Variants in PXDC1 observed in about 807,000 individuals in gnomAD.
The protein encoded by PXDC1 is PX domain containing 1, also known as PX domain-containing protein 1.
In PXDC1, 13 loss-of-function variants were observed where a neutral mutation model predicts 24.4. The ratio of observed to expected loss-of-function variants is 0.53; its 90% CI spans 0.35 to 0.85. PXDC1 has a LOEUF of 0.85. Ranked by LOEUF, PXDC1 falls within the 40% of genes least tolerant of loss-of-function variation. PXDC1 has a pLI of 0.01. For synonymous variants in PXDC1, 162 were observed against 124.9 expected (o/e 1.30, Z -1.98); for missense variants, 344 against 309.3 (o/e 1.11, Z -0.84).
chr6:3,738,678 CA>C (rs1413587852), intron 1 of PXDC1: 1 of 866,498 alleles, frequency 1.2e-6, no homozygotes, highest in African/African-American at 1.8e-5. Context: ...TCTGCCTGGA[CA>C]AAACCAAAGT....
In PXDC1 at chr6:3,738,187, C is replaced by T. The variant is rs112182523; in HGVS notation, c.257-39G>A. On this transcript the variant is annotated intron_variant, in intron 1 of 4. Transcript: ENST00000380283. ...AGAAATGCTCAAAGTCAGAATAGCACACCAGGAAACGCGCTCCCAATGCAA... is the reference window on the plus strand; with the variant it reads ...AGAAATGCTCAAAGTCAGAATAGCATACCAGGAAACGCGCTCCCAATGCAA... 1.7e-4 allele frequency: 262 copies of T among 1,505,012 alleles called. 2 individuals are homozygous for T. In the African/African-American group the frequency reaches 3.0e-3, roughly 17 times the overall value. The allele number at this position is 1,505,012 out of a possible 1,614,324, so 93.2% of individuals were successfully genotyped here. A position where few individuals can be genotyped will look rare whatever the true frequency, so the allele number is the denominator to read the frequency against.
chr6:3,726,720 C>T (rs578158720), intron 4 of PXDC1, among the ~76,000 whole-genome samples: 4 of 152,296 alleles, frequency 2.6e-5, no homozygotes, highest in Non-Finnish European at 2.9e-5. Flanking sequence ...CTAGCAAATG[C>T]GTGGGGCAAG....
chr6:3,740,746 A>G (rs1178055647), intron 1 of PXDC1, among the ~76,000 whole-genome samples: 4 of 152,100 alleles, frequency 2.6e-5, no homozygotes, highest in African/African-American at 9.7e-5. Flanking sequence ...CAGGCTCATG[A>G]TGGGGCAAAG....
Position 3,729,130 on chromosome 6 carries a change from G to C in PXDC1, c.467-1468C>G, listed in dbSNP as rs147127523. Reference sequence around the variant, plus strand: ...CCCCATCGGATGCCTTAGTTGCTTGGGGGACTGTTTTCCTTTATTTTTTCT... The same window carrying C: ...CCCCATCGGATGCCTTAGTTGCTTGCGGGACTGTTTTCCTTTATTTTTTCT... On this transcript the variant is annotated intron_variant, in intron 3 of 4. Transcript: ENST00000380283. 2.1e-3 allele frequency among the ~76,000 whole-genome samples: 325 copies of C among 152,080 alleles called. 2 individuals are homozygous for C. The highest frequency in any genetic ancestry group is 7.1e-3 in the African/African-American group (293 of 41,496).
chr6:3,740,074 A>C (rs925854874), intron 1 of PXDC1, among the ~76,000 whole-genome samples: 1 of 152,254 alleles, frequency 6.6e-6, no homozygotes, highest in African/African-American at 2.4e-5. Flanking sequence ...TGAATGACAT[A>C]CTAGTTGTAC....
intron 3 of PXDC1, among the ~76,000 whole-genome samples, chr6:3,735,000 A>G (rs2127599542): frequency 6.6e-6 from 1 of 152,204 alleles, no homozygotes; most frequent in South Asian, 2.1e-4. Flanking sequence ...CAGGAGGATC[A>G]CTTGAGCTGT....
At chr6:3,748,587 G>A (rs1297617543) in intron 1 of PXDC1, among the ~76,000 whole-genome samples, 1 of 152,110 alleles carries the variant, frequency 6.6e-6, no homozygotes, top group Non-Finnish European at 1.5e-5. Flanking sequence ...GAGAGAAAAA[G>A]CACATTCTCC....
rs920901789 is a variant in PXDC1, at chr6:3,737,675, GTTC to G, written c.348+379_348+381del. ...CGTGCCCCGCTGTGCTGACGCCAAC[GTTC>G]TTCTTGGTTTCCACGTGTCTGTTCT... On this transcript the variant is annotated intron_variant, in intron 2 of 4. Transcript: ENST00000380283. This position sits in a 1 kb window ranked among gnomAD's most constrained non-coding sequence, Gnocchi z 5.5. 2 of 985,306 alleles carry G rather than the reference GTTC, an allele frequency of 2.0e-6. No individual in the cohort carries two copies. Among genetic ancestry groups the G allele is most frequent in the African/African-American group, 1.7e-5 (1 of 57,238 alleles). 61.0% of individuals were successfully genotyped at this position (985,306 alleles called of 1,614,324 possible).
intron 3 of PXDC1, among the ~76,000 whole-genome samples, chr6:3,735,168 G>A (rs1016974027): frequency 6.6e-6 from 1 of 152,206 alleles, no homozygotes. Flanking sequence ...GCAATCTTGA[G>A]CAAAGCCAGA....
At chr6:3,734,195 G>A (rs1278391429) in intron 3 of PXDC1, among the ~76,000 whole-genome samples, 2 of 152,188 alleles carry the variant, frequency 1.3e-5, no homozygotes, top group East Asian at 1.9e-4. Flanking sequence ...TAGGGTCCAC[G>A]TGGGCCATGT....
At chr6:3,727,235 G>A (rs1760089122) in intron 4 of PXDC1, among the ~76,000 whole-genome samples, 1 of 152,246 alleles carries the variant, frequency 6.6e-6, no homozygotes, top group Non-Finnish European at 1.5e-5. Context: ...GGACCATTGA[G>A]TGTGAGGCAT....
At position 3,737,935 on chromosome 6, in the gene PXDC1, C is replaced by A; in HGVS notation, c.348+122G>T. The stretch of plus-strand genomic sequence containing the variant: ...TCGCCTGGTACTACCAGGGAGGGAA[C>A]AAAACGGCTAAGTGAGACAGAGCAA... On this transcript the variant is annotated intron_variant, in intron 2 of 4. Transcript: ENST00000380283. This position sits in a 1 kb window ranked among gnomAD's most constrained non-coding sequence, Gnocchi z 5.5. 1.2e-6 allele frequency: 1 copy of A among 849,948 alleles called. No individual in the cohort carries two copies. The highest frequency in any genetic ancestry group is 2.1e-5 in the Admixed American group (1 of 46,614). 52.7% of individuals were successfully genotyped at this position (849,948 alleles called of 1,614,324 possible). A position where few individuals can be genotyped will look rare whatever the true frequency, so the allele number is the denominator to read the frequency against.
chr6:3,733,684 C>T (rs1024804457), intron 3 of PXDC1, among the ~76,000 whole-genome samples: 13 of 152,196 alleles, frequency 8.5e-5, no homozygotes, highest in Non-Finnish European at 1.9e-4. Context: ...GCAACACCTC[C>T]GGGCCCCCAG....
rs574483518 is a variant in PXDC1, at chr6:3,744,911, G to A, written c.256+6365C>T. Among the ~76,000 whole-genome samples, 10 of 152,348 alleles carry A rather than the reference G, an allele frequency of 6.6e-5. No homozygotes were observed. In the East Asian group the frequency reaches 9.7e-4, roughly 15 times the overall value. ...GACGGGGTTTCACCACGTCGGCCAG[G>A]CTGGTCTCAAATTCCTGACCTCAAG... is the stretch of plus-strand genomic sequence containing the variant. On this transcript the variant is annotated intron_variant, in intron 1 of 4. Coordinates refer to ENST00000380283, the MANE Select transcript of PXDC1 (RefSeq NM_183373.4).
At position 3,751,675 on chromosome 6, in the gene PXDC1, G is replaced by T; in HGVS notation, c.-144C>A. The T allele has an allele frequency of 8.2e-7, 1 of 1,218,880 alleles. No homozygotes were observed. Among genetic ancestry groups the T allele is most frequent in the Non-Finnish European group, 1.0e-6 (1 of 969,430 alleles). 75.5% of individuals were successfully genotyped at this position (1,218,880 alleles called of 1,614,324 possible). ...CCGTCACTCCAAGGAGGCTGCGTAT[G>T]GCCCGCGTTCGGGGCAGCGGGGCGG... On this transcript the variant is annotated 5_prime_UTR_variant, in exon 1 of 5. Transcript: ENST00000380283.
intron 1 of PXDC1, among the ~76,000 whole-genome samples, chr6:3,744,613 C>T (rs56091004): frequency 0.063 from 9,557 of 152,298 alleles, 404 homozygotes; most frequent in Middle Eastern, 0.099. Context: ...CGGGAAAGGG[C>T]CTTGCCCATG....
chr6:3,723,470 G>C lies in PXDC1; in HGVS notation c.*149C>G. 1.5e-6 allele frequency: 1 copy of C among 686,364 alleles called. No individual in the cohort carries two copies. Among genetic ancestry groups the C allele is most frequent in the Non-Finnish European group, 2.6e-6 (1 of 380,958 alleles). The allele number at this position is 686,364 out of a possible 1,614,324, so 42.5% of individuals were successfully genotyped here. On this transcript the variant is annotated 3_prime_UTR_variant, in exon 5 of 5. Coordinates refer to ENST00000380283, the MANE Select transcript of PXDC1 (RefSeq NM_183373.4). ...AGGAGCCCCTGCTGCTCCACTTGCA[G>C]GACACCCAGGCCTCCTGGCGTCAGT...
At chr6:3,726,411 G>T (rs1363921563) in intron 4 of PXDC1, among the ~76,000 whole-genome samples, 1 of 152,240 alleles carries the variant, frequency 6.6e-6, no homozygotes, top group Non-Finnish European at 1.5e-5. Context: ...TGCGGCCTTG[G>T]CCCCACCGGC....
intron 3 of PXDC1, among the ~76,000 whole-genome samples, chr6:3,732,094 C>CT (rs1760212880): frequency 6.6e-6 from 1 of 152,362 alleles, no homozygotes; most frequent in Non-Finnish European, 1.5e-5. Context: ...ATCAATGGAT[C>CT]TTTTTTGCAA....
Sources: gnomAD v4.1 joint callset for allele counts (sites outside exome capture counted in the v4.1 genomes callset) on GRCh38, gnomAD v4.1.1 for gene constraint, Gnocchi (gnomAD v3.1) non-coding constraint, MANE v1.5 for transcripts, NCBI Gene and HGNC (gene_info 2026-07-23, HGNC 2026-07-21) for gene names.